The following ADRA2B variants were observed in gnomAD, a reference collection of about 807,000 sequenced individuals.
ADRA2B encodes alpha-2B adrenergic receptor.
ADRA2B carries 14 observed loss-of-function variants against 14.4 expected under a neutral mutation model. The observed-to-expected ratio is 0.97, with a 90% CI of 0.64 to 1.52. ADRA2B has a LOEUF of 1.52. ADRA2B is among the 40% of genes most tolerant of loss of function. The probability of loss-of-function intolerance (pLI) is 0.00; values close to 1 mark genes in which losing one functional copy is unlikely to be tolerated. For missense variants in ADRA2B, 606 were observed against 603.2 expected (o/e 1.00, Z -0.05); for synonymous variants, 250 against 263.7 (o/e 0.95, Z 0.50).
At position 96,115,934 on chromosome 2, in the gene ADRA2B, G is replaced by T. The variant is rs535600407; in HGVS notation, c.216C>A (p.Asn72Lys). The T allele has an allele frequency of 6.2e-7, 1 of 1,613,816 alleles. No individual in the cohort carries two copies. Among genetic ancestry groups the T allele is most frequent in the East Asian group, 2.2e-5 (1 of 44,856 alleles). ...GGAAGTACCAGTAGCCCAGCAGCTC[G>T]TTGGCCAGCGAGAAAGGGATGATGA... ...ATLIIPFSLANELLGYWYFRR... is the reference protein window; with the variant it reads ...ATLIIPFSLAKELLGYWYFRR... Residue 72 changes from asparagine (N) to lysine (K), a missense_variant, in exon 1 of 1, where the codon AAC becomes AAA. Coordinates refer to ENST00000620793, the MANE Select transcript of ADRA2B (RefSeq NM_000682.7).
chr2:96,113,951 TGTTC>T lies in ADRA2B; in HGVS notation c.*842_*845del, dbSNP rs1681805047. 1 of 985,774 alleles carries T rather than the reference TGTTC, an allele frequency of 1.0e-6. No individual in the cohort carries two copies. Among genetic ancestry groups the T allele is most frequent in the Non-Finnish European group, 1.2e-6 (1 of 829,956 alleles). The allele number at this position is 985,774 out of a possible 1,614,324, so 61.1% of individuals were successfully genotyped here. On this transcript the variant is annotated 3_prime_UTR_variant, in exon 1 of 1. Transcript: ENST00000620793. ...TAATCACATTTTTGGTTCTCTAGTG[TGTTC>T]CCCCACAGAGCTCAAAGCTTTCTGC...
In ADRA2B at chr2:96,113,107, C is replaced by T. The variant is rs1681787814; in HGVS notation, c.*1690G>A. On this transcript the variant is annotated 3_prime_UTR_variant, in exon 1 of 1. Transcript: ENST00000620793. ...ACCCACTGAGGACCAAGCTGGGAAG[C>T]CTCCCACACCCCAGGAAGGACTCTT... is the stretch of plus-strand genomic sequence containing the variant. 2 of 398,444 alleles carry T rather than the reference C, an allele frequency of 5.0e-6. No homozygotes were observed. Among genetic ancestry groups the T allele is most frequent in the Non-Finnish European group, 8.8e-6 (2 of 226,096 alleles). 24.7% of individuals were successfully genotyped at this position (398,444 alleles called of 1,614,324 possible).
chr2:96,114,126 A>T lies in ADRA2B; in HGVS notation c.*671T>A. The T allele has an allele frequency of 1.0e-6, 1 of 985,686 alleles. No individual in the cohort carries two copies. Among genetic ancestry groups the T allele is most frequent in the Non-Finnish European group, 1.2e-6 (1 of 829,944 alleles). 61.1% of individuals were successfully genotyped at this position (985,686 alleles called of 1,614,324 possible). ...GCCCCAGCGAGGCATCCACGTGGCC[A>T]CCCACCTACCGGAGGGGTGCTGGGT... is the stretch of plus-strand genomic sequence containing the variant. On this transcript the variant is annotated 3_prime_UTR_variant, in exon 1 of 1. Coordinates refer to ENST00000620793, the MANE Select transcript of ADRA2B (RefSeq NM_000682.7).
In ADRA2B at chr2:96,115,255, C is replaced by T. The variant is rs1459459126; in HGVS notation, c.895G>A (p.Glu299Lys). The T allele has an allele frequency of 6.4e-7, 1 of 1,562,716 alleles. No individual in the cohort carries two copies. The highest frequency in any genetic ancestry group is 1.4e-5 in the African/African-American group (1 of 73,360). The change falls in exon 1 of 1, where the codon GAG (glutamate) becomes AAG (lysine). Residue 299 changes from glutamate (E) to lysine (K), a missense_variant. Transcript: ENST00000620793. ...CGASPEDEAE[E>K]EEEEEEEEEE... ...TCCTCCTCCTCCTCCTCTTCCTCCT[C>T]TTCAGCTTCATCCTCTGGAGATGCC...
chr2:96,115,561 G>T lies in ADRA2B; in HGVS notation c.589C>A (p.Leu197Met). 6.2e-7 allele frequency: 1 copy of T among 1,613,914 alleles called. No individual in the cohort carries two copies. Among genetic ancestry groups the T allele is most frequent in the Non-Finnish European group, 8.5e-7 (1 of 1,179,892 alleles). The part of the protein sequence containing the change: ...IMILVYLRIY[L>M]IAKRSNRRGP... ...CTGCGGTTGCTGCGTTTGGCGATCA[G>T]GTAGATGCGCAGGTAGACAAGGATC... Residue 197 changes from leucine to methionine, a missense_variant, in exon 1 of 1, where the codon CTG becomes ATG. Transcript: ENST00000620793.
Position 96,113,716 on chromosome 2 carries a change from G to T in ADRA2B, c.*1081C>A. On this transcript the variant is annotated 3_prime_UTR_variant, in exon 1 of 1. Transcript: ENST00000620793. ...CTCTTGGTGTTGCCGGTGAAATGTC[G>T]AAACGTTGTCATGTAGCGTAATAAC... The T allele has an allele frequency of 4.6e-6, 1 of 218,794 alleles. No homozygotes were observed. Among genetic ancestry groups the T allele is most frequent in the Non-Finnish European group, 7.8e-6 (1 of 128,946 alleles). 13.6% of individuals were successfully genotyped at this position (218,794 alleles called of 1,614,324 possible).
chr2:96,116,373 G>A lies in ADRA2B; in HGVS notation c.-224C>T, dbSNP rs1337947322. Reference sequence around the variant, plus strand: ...CCGGTGCCCGGGGTCCCTGCCGTCCGCCCCAGAGAAGTTTCCCAAGTTGTC... The same window carrying A: ...CCGGTGCCCGGGGTCCCTGCCGTCCACCCCAGAGAAGTTTCCCAAGTTGTC... On this transcript the variant is annotated 5_prime_UTR_variant, in exon 1 of 1. Coordinates refer to ENST00000620793, the MANE Select transcript of ADRA2B (RefSeq NM_000682.7). The A allele has an allele frequency of 2.5e-5, 14 of 558,936 alleles. No individual in the cohort carries two copies. Among genetic ancestry groups the A allele is most frequent in the Non-Finnish European group, 4.5e-5 (14 of 313,388 alleles). The allele number at this position is 558,936 out of a possible 1,614,324, so 34.6% of individuals were successfully genotyped here.
rs753630708 is a variant in ADRA2B, at chr2:96,115,420, T to C, written c.730A>G (p.Arg244Gly). ...GACTTCGAGTGTCCGTTGACCTCTCTGGCAGAAGCCACAGAGGCCAGGGCT... is the reference window on the plus strand; with the variant it reads ...GACTTCGAGTGTCCGTTGACCTCTCCGGCAGAAGCCACAGAGGCCAGGGCT... ...LPALASVASA[R>G]EVNGHSKSTG... is the part of the protein sequence containing the mutation. The change falls in exon 1 of 1, where the codon AGA (arginine) becomes GGA (glycine). Residue 244 changes from arginine to glycine, a missense_variant. Transcript: ENST00000620793. 3.1e-6 allele frequency: 5 copies of C among 1,611,216 alleles called. No homozygotes were observed. The South Asian group carries it at 5.5e-5, about 18-fold the overall frequency.
Position 96,115,038 on chromosome 2 carries a change from A to C in ADRA2B, c.1112T>G (p.Phe371Cys). The C allele has an allele frequency of 6.2e-7, 1 of 1,613,766 alleles. No individual in the cohort carries two copies. The highest frequency in any genetic ancestry group is 8.5e-7 in the Non-Finnish European group (1 of 1,179,786). Residue 371 changes from phenylalanine to cysteine, a missense_variant, in exon 1 of 1, where the codon TTC (phenylalanine) becomes TGC (cysteine). Coordinates refer to ENST00000620793, the MANE Select transcript of ADRA2B (RefSeq NM_000682.7). Reference sequence around the variant, plus strand: ...AACGCCAATGACCACAGCCAGCACGAAGGTGAAGCGCTTCTCCCGGGTCAG... The same window carrying C: ...AACGCCAATGACCACAGCCAGCACGCAGGTGAAGCGCTTCTCCCGGGTCAG... ...AQLTREKRFT[F>C]VLAVVIGVFV... is the part of the protein sequence containing the mutation.
Position 96,114,383 on chromosome 2 carries a change from G to T in ADRA2B, c.*414C>A. 1 of 1,002,528 alleles carries T rather than the reference G, an allele frequency of 1.0e-6. No homozygotes were observed. The highest frequency in any genetic ancestry group is 1.2e-6 in the Non-Finnish European group (1 of 839,738). The allele number at this position is 1,002,528 out of a possible 1,614,324, so 62.1% of individuals were successfully genotyped here. ...GCTCCGTGCTCTTTGTGGGTGGGGGGGAGATGAAAAAGAAACGAAAACACC... is the reference window on the plus strand; with the variant it reads ...GCTCCGTGCTCTTTGTGGGTGGGGGTGAGATGAAAAAGAAACGAAAACACC... On this transcript the variant is annotated 3_prime_UTR_variant, in exon 1 of 1. Coordinates refer to ENST00000620793, the MANE Select transcript of ADRA2B (RefSeq NM_000682.7).
Position 96,114,303 on chromosome 2 carries a change from C to T in ADRA2B, c.*494G>A, listed in dbSNP as rs1233842264. ...CGAGTGCCTAGCGTGGGTGATCAGT[C>T]TTCGTTTCTTCCTCCCCCTCAGCAG... On this transcript the variant is annotated 3_prime_UTR_variant, in exon 1 of 1. Transcript: ENST00000620793. The T allele has an allele frequency of 1.6e-5, 16 of 994,518 alleles. No homozygotes were observed. The highest frequency in any genetic ancestry group is 1.8e-5 in the Non-Finnish European group (15 of 834,890). 61.6% of individuals were successfully genotyped at this position (994,518 alleles called of 1,614,324 possible). A position where few individuals can be genotyped will look rare whatever the true frequency, so the allele number is the denominator to read the frequency against.
Position 96,115,248 on chromosome 2 carries a change from TC to T in ADRA2B, c.901del (p.Glu301LysfsTer52), listed in dbSNP as rs1681839071. 1 of 1,481,724 alleles carries T rather than the reference TC, an allele frequency of 6.7e-7. No individual in the cohort carries two copies. Among genetic ancestry groups the T allele is most frequent in the African/African-American group, 1.6e-5 (1 of 61,274 alleles). The allele number at this position is 1,481,724 out of a possible 1,614,324, so 91.8% of individuals were successfully genotyped here. A position where few individuals can be genotyped will look rare whatever the true frequency, so the allele number is the denominator to read the frequency against. ...ASPEDEAEEEEEEEEEEEECE... is the reference protein window; with the variant it reads ...ASPEDEAEEEXEEEEEEEECE... ...CTCTTCCTCCTCCTCCTCCTCCTCT[TC>T]CTCCTCTTCAGCTTCATCCTCTGGA... is the stretch of plus-strand genomic sequence containing the variant. On this transcript the variant is annotated frameshift_variant, in exon 1 of 1. Coordinates refer to ENST00000620793, the MANE Select transcript of ADRA2B (RefSeq NM_000682.7). LOFTEE classifies it high-confidence loss of function.
chr2:96,115,172 C>A lies in ADRA2B; in HGVS notation c.978G>T (p.Pro326=), dbSNP rs901376267. The part of the protein sequence containing the change: ...PVSPASACSP[P]LQQPQGSRVL... ...CCCGGGAGCCCTGTGGCTGCTGCAG[C>A]GGGGGGCTGCAAGCTGAGGCCGGAG... is the stretch of plus-strand genomic sequence containing the variant. The change falls in exon 1 of 1, where the codon CCG becomes CCT. Residue 326 remains proline (P), a synonymous_variant. Transcript: ENST00000620793. 1 of 1,572,850 alleles carries A rather than the reference C, an allele frequency of 6.4e-7. No homozygotes were observed.
Position 96,112,917 on chromosome 2 carries a change from T to TAA in ADRA2B, c.*1878_*1879dup, listed in dbSNP as rs11464083. On this transcript the variant is annotated 3_prime_UTR_variant, in exon 1 of 1. Coordinates refer to ENST00000620793, the MANE Select transcript of ADRA2B (RefSeq NM_000682.7). The stretch of plus-strand genomic sequence containing the variant: ...TTTATTGATAAAATAGCTCAGAGTT[T>TAA]AAAAAAAAAAAAAACACCACCTGCA... 0.028 allele frequency: 9,664 copies of TAA among 343,700 alleles called. 5 individuals are homozygous for TAA. The highest frequency in any genetic ancestry group is 0.057 in the Middle Eastern group (73 of 1,292). 21.3% of individuals were successfully genotyped at this position (343,700 alleles called of 1,614,324 possible).
chr2:96,115,230 T>TCCC lies in ADRA2B; in HGVS notation c.919_920insGGG (p.Glu306_Glu307insGly). On this transcript the variant is annotated inframe_insertion, in exon 1 of 1. Transcript: ENST00000620793. ...CACTGCCTGGGGTTCACACTCTTCC[T>TCCC]CCTCCTCCTCCTCCTCTTCCTCCTC... 6.5e-7 allele frequency: 1 copy of TCCC among 1,539,616 alleles called. No individual in the cohort carries two copies. The highest frequency in any genetic ancestry group is 8.8e-7 in the Non-Finnish European group (1 of 1,140,790).
Position 96,113,934 on chromosome 2 carries a change from T to C in ADRA2B, c.*863A>G, listed in dbSNP as rs1179571080. 7 of 985,766 alleles carry C rather than the reference T, an allele frequency of 7.1e-6. No individual in the cohort carries two copies. Among genetic ancestry groups the C allele is most frequent in the Non-Finnish European group, 8.4e-6 (7 of 829,942 alleles). The allele number at this position is 985,766 out of a possible 1,614,324, so 61.1% of individuals were successfully genotyped here. ...ATTTTTATATCACCATATAATCACA[T>C]TTTTGGTTCTCTAGTGTGTTCCCCC... On this transcript the variant is annotated 3_prime_UTR_variant, in exon 1 of 1. Transcript: ENST00000620793.
chr2:96,115,869 A>G lies in ADRA2B; in HGVS notation c.281T>C (p.Leu94Pro). 1 of 1,613,350 alleles carries G rather than the reference A, an allele frequency of 6.2e-7. No homozygotes were observed. The highest frequency in any genetic ancestry group is 8.5e-7 in the Non-Finnish European group (1 of 1,179,664). ...GTGCACGATGGACGAGGTGCAGAAG[A>G]GCACGTCGAGCGCCAGGTACACCTC... ...WCEVYLALDV[L>P]FCTSSIVHLC... The change falls in exon 1 of 1, where the codon CTC (leucine) becomes CCC (proline). Residue 94 changes from leucine (L) to proline (P), a missense_variant. Physicochemically the swap from Leu to Pro is moderately conservative, Grantham distance 98 (BLOSUM62 -3). Coordinates refer to ENST00000620793, the MANE Select transcript of ADRA2B (RefSeq NM_000682.7).
Position 96,113,752 on chromosome 2 carries a change from G to T in ADRA2B, c.*1045C>A. 3.0e-6 allele frequency: 1 copy of T among 335,766 alleles called. No homozygotes were observed. The highest frequency in any genetic ancestry group is 4.2e-6 in the Non-Finnish European group (1 of 236,162). 20.8% of individuals were successfully genotyped at this position (335,766 alleles called of 1,614,324 possible). On this transcript the variant is annotated 3_prime_UTR_variant, in exon 1 of 1. Coordinates refer to ENST00000620793, the MANE Select transcript of ADRA2B (RefSeq NM_000682.7). Reference sequence around the variant, plus strand: ...ATGTAGCGTAATAACTCAGACCTTTGCAGCCAGAAGAACACATTCTCAAAG... The same window carrying T: ...ATGTAGCGTAATAACTCAGACCTTTTCAGCCAGAAGAACACATTCTCAAAG...
rs202241079 is a variant in ADRA2B, at chr2:96,115,837, C to T, written c.313G>A (p.Ala105Thr). The change falls in exon 1 of 1, where the codon GCC becomes ACC. Residue 105 changes from alanine (A) to threonine (T), a missense_variant. By Grantham distance (58) the Ala-to-Thr change is moderately conservative. Coordinates refer to ENST00000620793, the MANE Select transcript of ADRA2B (RefSeq NM_000682.7). The stretch of plus-strand genomic sequence containing the variant: ...GCCCAGTAGCGGTCCAGGCTGATGG[C>T]GCACAGGTGCACGATGGACGAGGTG... ...FCTSSIVHLC[A>T]ISLDRYWAVS... 224 of 1,613,378 alleles carry T rather than the reference C, an allele frequency of 1.4e-4. No homozygotes were observed. Among genetic ancestry groups the T allele is most frequent in the Middle Eastern group, 8.2e-4 (5 of 6,062 alleles).
Sources: allele counts gnomAD v4.1 joint callset, GRCh38; gene constraint gnomAD v4.1.1; transcripts MANE v1.5; gene names NCBI Gene and HGNC (gene_info 2026-07-23, HGNC 2026-07-21).